SPIDR: variants seen among roughly 807,000 people sequenced by gnomAD.
SPIDR encodes scaffold protein involved in DNA repair.
In SPIDR, 93 loss-of-function variants were observed where a neutral mutation model predicts 104.6. The observed-to-expected ratio is 0.89, with a 90% CI of 0.75 to 1.06. SPIDR has a LOEUF of 1.06. Among genes scored for constraint, SPIDR ranks in the 50% least tolerant of loss-of-function variants. The pLI is 0.00. For missense variants in SPIDR, 1,154 were observed against 1,111.2 expected, an observed-to-expected ratio of 1.04 and a Z score of -0.55; for synonymous variants, 431 against 416.9, an observed-to-expected ratio of 1.03 and a Z score of -0.41.
At chr8:47,430,866 A>G (rs1426076256) in intron 7 of SPIDR, among the ~76,000 whole-genome samples, 1 of 152,198 alleles carries the variant, frequency 6.6e-6, no homozygotes, top group African/African-American at 2.4e-5. Flanking sequence ...ATTATCATCT[A>G]TAGTTGTATG....
chr8:47,526,213 C>A (rs1387496645), intron 8 of SPIDR, among the ~76,000 whole-genome samples: 3 of 152,164 alleles, frequency 2.0e-5, no homozygotes, highest in African/African-American at 7.2e-5. Flanking sequence ...TGCAATGATG[C>A]CTGGGGTCAG....
intron 1 of SPIDR, among the ~76,000 whole-genome samples, chr8:47,277,364 TGTTATGTTATGTTA>T (rs2036714397): frequency 7.7e-6 from 1 of 130,422 alleles, no homozygotes; most frequent in Non-Finnish European, 1.7e-5. Context: ...TGTTATGTTA[TGTTATGTTATGTTA>T]TTTTAGAGAC....
intron 5 of SPIDR, among the ~76,000 whole-genome samples, chr8:47,337,026 T>C (rs1474540496): frequency 6.6e-6 from 1 of 152,226 alleles, no homozygotes; most frequent in Non-Finnish European, 1.5e-5. Flanking sequence ...TGGCTAAGGA[T>C]ATTTTCATGT....
intron 8 of SPIDR, among the ~76,000 whole-genome samples, chr8:47,550,677 A>G (rs911286010): frequency 2.5e-4 from 38 of 152,182 alleles, no homozygotes; most frequent in Non-Finnish European, 4.6e-4. Context: ...GGCTGAGACA[A>G]TGGGGTTTTC....
At chr8:47,592,662 A>T in intron 8 of SPIDR, 1 of 886,186 alleles carries the variant, frequency 1.1e-6, no homozygotes. Flanking sequence ...CGCTTGCCTC[A>T]CGCACGAGTA....
At chr8:47,636,101 A>G (rs753565702) in intron 10 of SPIDR, among the ~76,000 whole-genome samples, 8 of 152,192 alleles carry the variant, frequency 5.3e-5, no homozygotes, top group Non-Finnish European at 8.8e-5. Flanking sequence ...TTCCAACAGC[A>G]TGTGTTCACC....
chr8:47,626,910 A>C (rs1020353979), intron 10 of SPIDR, among the ~76,000 whole-genome samples: 5 of 152,272 alleles, frequency 3.3e-5, no homozygotes, highest in African/African-American at 1.2e-4. Context: ...AGGATTATAA[A>C]TCATGCTGCT....
At chr8:47,569,842 T>C (rs139587844) in intron 8 of SPIDR, among the ~76,000 whole-genome samples, 20 of 152,244 alleles carry the variant, frequency 1.3e-4, no homozygotes, top group African/African-American at 4.6e-4. Flanking sequence ...TTCTGTACAA[T>C]GCAATGAACA....
intron 8 of SPIDR, among the ~76,000 whole-genome samples, chr8:47,520,092 A>G (rs1470291506): frequency 6.6e-6 from 1 of 152,198 alleles, no homozygotes; most frequent in African/African-American, 2.4e-5. Context: ...TAGATAATAT[A>G]GTTGTATTTG....
chr8:47,286,260 C>A (rs1180681804), intron 3 of SPIDR, among the ~76,000 whole-genome samples: 1 of 152,182 alleles, frequency 6.6e-6, no homozygotes, highest in Non-Finnish European at 1.5e-5. Context: ...AGAAGCTCAC[C>A]TGCCTGGGTG....
At chr8:47,713,039 G>A in intron 15 of SPIDR, 167 bp downstream of exon 15, 1 of 1,388,426 alleles carries the variant, frequency 7.2e-7, no homozygotes, top group Non-Finnish European at 9.3e-7. Context: ...CACTGACCCT[G>A]TAGCAGCCAC....
chr8:47,698,397 G>A (rs1212659358), intron 11 of SPIDR, among the ~76,000 whole-genome samples: 1 of 152,210 alleles, frequency 6.6e-6, no homozygotes, highest in African/African-American at 2.4e-5. Flanking sequence ...TCATTTAAAT[G>A]AATGTGTCAG....
chr8:47,288,088 G>A (rs927712244), intron 3 of SPIDR, among the ~76,000 whole-genome samples: 15 of 151,864 alleles, frequency 9.9e-5, no homozygotes, highest in East Asian at 1.9e-4. Context: ...CCCTCTGTTC[G>A]GGGTCCCTGA....
intron 8 of SPIDR, among the ~76,000 whole-genome samples, chr8:47,569,418 C>A (rs1449780522): frequency 6.6e-6 from 1 of 152,162 alleles, no homozygotes; most frequent in Non-Finnish European, 1.5e-5. Context: ...AGCAATTAAA[C>A]CTAACAGACG....
chr8:47,407,392 C>T (rs1554668026), intron 6 of SPIDR, among the ~76,000 whole-genome samples: 2 of 152,136 alleles, frequency 1.3e-5, no homozygotes, highest in Non-Finnish European at 2.9e-5. Flanking sequence ...AACTCTGAGC[C>T]CACTTTACAT....
At chr8:47,668,461 A>G (rs1043788514) in intron 10 of SPIDR, among the ~76,000 whole-genome samples, 1 of 152,152 alleles carries the variant, frequency 6.6e-6, no homozygotes, top group Non-Finnish European at 1.5e-5. Context: ...TCCAACATCC[A>G]TTCATGATTT....
At position 47,440,482 on chromosome 8, in the gene SPIDR, A is replaced by C. The variant is rs1377589449; in HGVS notation, c.1037A>C (p.Lys346Thr). Reference sequence around the variant, plus strand: ...GCTGGCCTGAAAGTTCTCTTCACCAAGGAGACTGCAGGCTACCTCAGGGGC... The same window carrying C: ...GCTGGCCTGAAAGTTCTCTTCACCACGGAGACTGCAGGCTACCTCAGGGGC... ...PGAGLKVLFT[K>T]ETAGYLRGRP... The change falls in exon 8 of 20, where the codon AAG becomes ACG. Residue 346 changes from lysine to threonine, a missense_variant. Physicochemically the swap from Lys to Thr is moderately conservative, Grantham distance 78. Coordinates refer to ENST00000297423, the MANE Select transcript of SPIDR (RefSeq NM_001080394.4). 1.1e-5 allele frequency: 17 copies of C among 1,614,136 alleles called. No individual in the cohort carries two copies. The highest frequency in any genetic ancestry group is 1.3e-5 in the Non-Finnish European group (15 of 1,180,038).
At chr8:47,721,086 C>A (rs1199984314) in intron 16 of SPIDR, among the ~76,000 whole-genome samples, 1 of 152,102 alleles carries the variant, frequency 6.6e-6, no homozygotes, top group Non-Finnish European at 1.5e-5. Flanking sequence ...AGTCTTTTTG[C>A]AAACCATAAG....
At chr8:47,694,223 A>G (rs2079040867) in intron 11 of SPIDR, among the ~76,000 whole-genome samples, 3 of 152,246 alleles carry the variant, frequency 2.0e-5, no homozygotes, top group Admixed American at 2.0e-4. Flanking sequence ...ATTGGACACT[A>G]TTAATAATGA....
Sources: gnomAD v4.1 joint callset for allele counts (sites outside exome capture counted in the v4.1 genomes callset) on GRCh38, gnomAD v4.1.1 for gene constraint, MANE v1.5 for transcripts, NCBI Gene and HGNC (gene_info 2026-07-23, HGNC 2026-07-21) for gene names.